Variants in KIF2A observed in about 807,000 individuals in gnomAD.
KIF2A encodes the protein kinesin family member 2A.
A neutral mutation model predicts 100.2 loss-of-function variants in KIF2A; 22 were observed. That is an observed-to-expected ratio of 0.22 (90% CI 0.16 to 0.31). The LOEUF (loss-of-function observed/expected upper bound fraction) is 0.31, where lower values mean the gene tolerates loss of function less well. KIF2A is among the 10% of genes least tolerant of loss of function. KIF2A has a pLI of 1.00. For synonymous variants in KIF2A, 268 were observed against 285.9 expected (o/e 0.94, Z 0.63); for missense variants, 495 against 898.7 (o/e 0.55, Z 5.74).
chr5:62,337,359 G>A (rs1747018223), intron 1 of KIF2A, among the ~76,000 whole-genome samples: 1 of 152,040 alleles, frequency 6.6e-6, no homozygotes, highest in Admixed American at 6.6e-5. Flanking sequence ...AGGTGTGGTG[G>A]CGCGTGCATG....
At chr5:62,356,323 A>G (rs78721815) in intron 7 of KIF2A, among the ~76,000 whole-genome samples, 6,112 of 152,298 alleles carry the variant, frequency 0.04, 381 homozygotes, top group African/African-American at 0.14. Flanking sequence ...AGGAATTGGC[A>G]AACATTTTCT....
intron 1 of KIF2A, among the ~76,000 whole-genome samples, chr5:62,341,694 C>T (rs539028200): frequency 7.9e-5 from 12 of 151,928 alleles, no homozygotes; most frequent in East Asian, 3.9e-4. Flanking sequence ...AGTCCTGGTA[C>T]GAATTTTGCT....
Position 62,306,399 on chromosome 5 carries a change from C to G in KIF2A, c.-74C>G. On this transcript the variant is annotated 5_prime_UTR_variant, in exon 1 of 21. Transcript: ENST00000407818. The stretch of plus-strand genomic sequence containing the variant: ...GCAACCGCTCCCCCTCCCACACCTA[C>G]CCCGCCCCCTCCCCGCCTTTTCCGC... 5.1e-6 allele frequency: 3 copies of G among 586,088 alleles called. No homozygotes were observed. Among genetic ancestry groups the G allele is most frequent in the Non-Finnish European group, 9.5e-6 (3 of 316,894 alleles). 36.3% of individuals were successfully genotyped at this position (586,088 alleles called of 1,614,324 possible).
chr5:62,353,071 AT>A, intron 5 of KIF2A: 1 of 448,114 alleles, frequency 2.2e-6, no homozygotes, highest in Non-Finnish European at 4.0e-6. Context: ...TGTTTGAGTC[AT>A]TTTTCTGGAC....
chr5:62,310,488 A>G (rs1745507474), intron 1 of KIF2A, among the ~76,000 whole-genome samples: 1 of 152,150 alleles, frequency 6.6e-6, no homozygotes, highest in African/African-American at 2.4e-5. Flanking sequence ...TTTGTTTTCA[A>G]ACATTTTAAT....
At chr5:62,347,497 G>A (rs540142933) in intron 2 of KIF2A, among the ~76,000 whole-genome samples, 83 of 152,254 alleles carry the variant, frequency 5.5e-4, no homozygotes, top group Middle Eastern at 3.4e-3. Context: ...ATTTAATTAT[G>A]TGGTTCTATT....
intron 16 of KIF2A, among the ~76,000 whole-genome samples, chr5:62,368,733 C>T (rs534320503): frequency 2.6e-5 from 4 of 151,448 alleles, no homozygotes; most frequent in Non-Finnish European, 5.9e-5. Flanking sequence ...GTTGTAATTG[C>T]ACCACTGCAC....
chr5:62,359,756 TCTC>T lies in KIF2A; in HGVS notation c.872+1461_872+1463del, dbSNP rs959901786. On this transcript the variant is annotated intron_variant, in intron 9 of 20. Coordinates refer to ENST00000407818, the MANE Select transcript of KIF2A (RefSeq NM_001098511.3). The stretch of plus-strand genomic sequence containing the variant: ...TCTTAACTTTATCAATATTTATCCT[TCTC>T]CTCTATCTCTTATACTTAACTATTA... 2.0e-5 allele frequency among the ~76,000 whole-genome samples: 3 copies of T among 152,322 alleles called. No homozygotes were observed. The East Asian group carries it at 5.8e-4, about 29-fold the overall frequency.
In KIF2A at chr5:62,388,987, G is replaced by C. The variant is rs754337005; in HGVS notation, c.*3418G>C. The C allele has an allele frequency of 1.3e-6, 2 of 1,599,414 alleles. No individual in the cohort carries two copies. Among genetic ancestry groups the C allele is most frequent in the South Asian group, 2.2e-5 (2 of 89,556 alleles). ...AAAATTCATTTCTTTTCTTGACCTT[G>C]AAAATTTCTGTTTTCCAAATACCTA... On this transcript the variant is annotated 3_prime_UTR_variant, in exon 21 of 21. Coordinates refer to ENST00000407818, the MANE Select transcript of KIF2A (RefSeq NM_001098511.3).
intron 19 of KIF2A, among the ~76,000 whole-genome samples, chr5:62,380,907 C>T (rs768394729): frequency 6.6e-6 from 1 of 152,112 alleles, no homozygotes; most frequent in Non-Finnish European, 1.5e-5. Context: ...TGAAAAAAAT[C>T]CACATAAGTG....
At chr5:62,373,178 C>T (rs921733834) in intron 17 of KIF2A, among the ~76,000 whole-genome samples, 2 of 151,786 alleles carry the variant, frequency 1.3e-5, no homozygotes, top group Non-Finnish European at 2.9e-5. Flanking sequence ...AATCTTTATA[C>T]ATTATAAATA....
At chr5:62,323,392 G>T (rs566047465) in intron 1 of KIF2A, among the ~76,000 whole-genome samples, 1 of 152,012 alleles carries the variant, frequency 6.6e-6, no homozygotes, top group African/African-American at 2.4e-5. Context: ...GCGCGGCGGC[G>T]GGCGCCTGTA....
intron 1 of KIF2A, among the ~76,000 whole-genome samples, chr5:62,320,292 C>A (rs182555113): frequency 7.9e-5 from 12 of 152,210 alleles, no homozygotes; most frequent in Middle Eastern, 3.4e-3. Flanking sequence ...TGCTGCATAG[C>A]CAATACTGTA....
chr5:62,389,858 G>A lies in KIF2A; in HGVS notation c.*4289G>A, dbSNP rs1742219018. On this transcript the variant is annotated 3_prime_UTR_variant, in exon 21 of 21. Coordinates refer to ENST00000407818, the MANE Select transcript of KIF2A (RefSeq NM_001098511.3). Reference sequence around the variant, plus strand: ...CCCAATAACTTTGAGGAAATTTAGTGAAAATGAAGAAAAAGAGAAAATATT... The same window carrying A: ...CCCAATAACTTTGAGGAAATTTAGTAAAAATGAAGAAAAAGAGAAAATATT... 6.6e-6 allele frequency among the ~76,000 whole-genome samples: 1 copy of A among 152,154 alleles called. No homozygotes were observed. The highest frequency in any genetic ancestry group is 1.5e-5 in the Non-Finnish European group (1 of 68,038).
At chr5:62,323,526 GAA>G (rs879662161) in intron 1 of KIF2A, among the ~76,000 whole-genome samples, 4 of 81,984 alleles carry the variant, frequency 4.9e-5, no homozygotes, top group African/African-American at 4.5e-5. Context: ...CTGTCTCAAA[GAA>G]AAAAAAAAAA....
chr5:62,355,855 A>G (rs1748075613), intron 7 of KIF2A, among the ~76,000 whole-genome samples: 1 of 150,536 alleles, frequency 6.6e-6, no homozygotes, highest in Admixed American at 6.6e-5. Flanking sequence ...CTAGAGTGCA[A>G]TGGTGTGATC....
intron 1 of KIF2A, among the ~76,000 whole-genome samples, chr5:62,314,730 A>G (rs1319699934): frequency 3.5e-5 from 5 of 141,924 alleles, no homozygotes; most frequent in Non-Finnish European, 7.6e-5. Flanking sequence ...AAATTTGCTG[A>G]GTGTCTATAC....
At chr5:62,352,838 C>A in intron 5 of KIF2A, 128 bp downstream of exon 5, 1 of 704,034 alleles carries the variant, frequency 1.4e-6, no homozygotes, top group Non-Finnish European at 2.1e-6. Context: ...CATTTTACCA[C>A]TGTGGAAAAT....
chr5:62,352,060 A>C (rs984614311), intron 4 of KIF2A, among the ~76,000 whole-genome samples: 2 of 151,690 alleles, frequency 1.3e-5, no homozygotes, highest in Admixed American at 1.3e-4. Flanking sequence ...AGGCTGAGGC[A>C]GGAGATCACT....
Sources: allele counts gnomAD v4.1 joint callset (sites outside exome capture counted in the v4.1 genomes callset), GRCh38; gene constraint gnomAD v4.1.1; transcripts MANE v1.5; gene names NCBI Gene and HGNC (gene_info 2026-07-23, HGNC 2026-07-21).